AGPAT4: variants seen among roughly 807,000 people sequenced by gnomAD.
AGPAT4 encodes 1-acylglycerol-3-phosphate O-acyltransferase 4.
Under a neutral mutation model 48.0 loss-of-function variants are expected in AGPAT4, and 15 were observed. The ratio of observed to expected loss-of-function variants is 0.31; its 90% CI spans 0.21 to 0.48. The LOEUF (loss-of-function observed/expected upper bound fraction) is 0.48, where lower values mean the gene tolerates loss of function less well. Among genes scored for constraint, AGPAT4 ranks in the 20% least tolerant of loss-of-function variants. The pLI is 0.99. For synonymous variants in AGPAT4, 178 were observed against 198.7 expected (o/e 0.90, Z 0.88); for missense variants, 314 against 482.5 (o/e 0.65, Z 3.27).
chr6:161,260,782 G>A (rs1460037854), intron 1 of AGPAT4, among the ~76,000 whole-genome samples: 1 of 152,096 alleles, frequency 6.6e-6, no homozygotes, highest in African/African-American at 2.4e-5. Context: ...AGCTACTTGG[G>A]GAGGGCTGAG....
rs1269564709 is a variant in AGPAT4, at chr6:161,138,600, C to A, written c.1042+822G>T. Among the ~76,000 whole-genome samples, 1 of 152,104 alleles carries A rather than the reference C, an allele frequency of 6.6e-6. No homozygotes were observed. Among genetic ancestry groups the A allele is most frequent in the Non-Finnish European group, 1.5e-5 (1 of 68,036 alleles). On this transcript the variant is annotated intron_variant, in intron 8 of 8. Coordinates refer to ENST00000320285, the MANE Select transcript of AGPAT4 (RefSeq NM_020133.3). This position sits in a 1 kb window ranked among gnomAD's most constrained non-coding sequence, Gnocchi z 4.8. Reference sequence around the variant, plus strand: ...TTCTGCGCTTGTCTATTGCTTGGGCCTTTTATAGTGAGCATACTGCATCTT... The same window carrying A: ...TTCTGCGCTTGTCTATTGCTTGGGCATTTTATAGTGAGCATACTGCATCTT...
intron 3 of AGPAT4, among the ~76,000 whole-genome samples, chr6:161,157,604 T>C (rs1302439158): frequency 6.6e-6 from 1 of 152,178 alleles, no homozygotes; most frequent in African/African-American, 2.4e-5. Flanking sequence ...TTTTTGATGA[T>C]CAAAGGGAAA....
chr6:161,248,726 G>A (rs577696477), intron 1 of AGPAT4, among the ~76,000 whole-genome samples: 37 of 152,132 alleles, frequency 2.4e-4, no homozygotes, highest in Non-Finnish European at 4.4e-4. Context: ...AATCAATATC[G>A]TTAAAGTGTG....
At position 161,242,955 on chromosome 6, in the gene AGPAT4, C is replaced by A. The variant is rs1270478363; in HGVS notation, c.-89-10653G>T. ...TGGTGGCACGTGCCTCCCAGCTACT[C>A]GGGAGACTGAAGCAGGAGAATTGAT... On this transcript the variant is annotated intron_variant, in intron 1 of 8. Transcript: ENST00000320285. The surrounding 1 kb of genome is among the most constrained non-coding windows in gnomAD (Gnocchi z 5.0). Among the ~76,000 whole-genome samples, 1 of 151,904 alleles carries A rather than the reference C, an allele frequency of 6.6e-6. No individual in the cohort carries two copies. Among genetic ancestry groups the A allele is most frequent in the Non-Finnish European group, 1.5e-5 (1 of 67,994 alleles).
Position 161,131,034 on chromosome 6 carries a change from G to A in AGPAT4, c.*5506C>T. 2.5e-6 allele frequency: 1 copy of A among 392,844 alleles called. No homozygotes were observed. Among genetic ancestry groups the A allele is most frequent in the African/African-American group, 2.0e-5 (1 of 49,634 alleles). 24.3% of individuals were successfully genotyped at this position (392,844 alleles called of 1,614,324 possible). On this transcript the variant is annotated 3_prime_UTR_variant, in exon 9 of 9. Transcript: ENST00000320285. ...GGAAATGCAAAGGAATTATTATGCA[G>A]CAATCTTAACTTTGTGTACATACCA... is the stretch of plus-strand genomic sequence containing the variant.
chr6:161,255,986 G>T lies in AGPAT4; in HGVS notation c.-90+17952C>A, dbSNP rs561692426. 5.9e-5 allele frequency among the ~76,000 whole-genome samples: 9 copies of T among 152,254 alleles called. No homozygotes were observed. The South Asian group carries it at 1.7e-3, about 28-fold the overall frequency. ...GTCCACACAGCCATGTCAACACATA[G>T]AGGGACATGCTGTTTAGATGAAGGA... is the stretch of plus-strand genomic sequence containing the variant. On this transcript the variant is annotated intron_variant, in intron 1 of 8. Transcript: ENST00000320285. The surrounding 1 kb of genome is among the most constrained non-coding windows in gnomAD (Gnocchi z 4.7).
At chr6:161,172,168 T>C (rs1282981058) in intron 2 of AGPAT4, among the ~76,000 whole-genome samples, 1 of 152,142 alleles carries the variant, frequency 6.6e-6, no homozygotes, top group Non-Finnish European at 1.5e-5. Flanking sequence ...GGGAAGGACT[T>C]ATGACCTCCT....
chr6:161,139,695 A>G lies in AGPAT4; in HGVS notation c.844-75T>C. 7.3e-7 allele frequency: 1 copy of G among 1,366,834 alleles called. No homozygotes were observed. 84.7% of individuals were successfully genotyped at this position (1,366,834 alleles called of 1,614,324 possible). ...AGGTCCCTCCCGAGGCCCTGCTTCCAAGGGAATCGCAGAGATACACAGGTG... is the reference window on the plus strand; with the variant it reads ...AGGTCCCTCCCGAGGCCCTGCTTCCGAGGGAATCGCAGAGATACACAGGTG... On this transcript the variant is annotated intron_variant, in intron 7 of 8. Coordinates refer to ENST00000320285, the MANE Select transcript of AGPAT4 (RefSeq NM_020133.3). This position sits in a 1 kb window ranked among gnomAD's most constrained non-coding sequence, Gnocchi z 9.1.
In AGPAT4 at chr6:161,142,537, C is replaced by T. The variant is rs1447319265; in HGVS notation, c.844-2917G>A. Among the ~76,000 whole-genome samples the T allele has an allele frequency of 2.0e-5, 3 of 152,146 alleles. No homozygotes were observed. Among genetic ancestry groups the T allele is most frequent in the Non-Finnish European group, 4.4e-5 (3 of 68,042 alleles). On this transcript the variant is annotated intron_variant, in intron 7 of 8. Transcript: ENST00000320285. The surrounding 1 kb of genome is among the most constrained non-coding windows in gnomAD (Gnocchi z 6.4). ...ATCCTATTGAGAGGCGGCAGATCCC[C>T]GGACGAACGCCCCCTGCAGCCCGCA...
At position 161,144,351 on chromosome 6, in the gene AGPAT4, G is replaced by A. The variant is rs7757565; in HGVS notation, c.843+2173C>T. ...AACTGGGTAAATCACTTCATCTTTC[G>A]GACCTGAATTTCCTCATCAGTAGTG... On this transcript the variant is annotated intron_variant, in intron 7 of 8. Coordinates refer to ENST00000320285, the MANE Select transcript of AGPAT4 (RefSeq NM_020133.3). The surrounding 1 kb of genome is among the most constrained non-coding windows in gnomAD (Gnocchi z 6.6). 3,063 of 383,852 alleles carry A rather than the reference G, an allele frequency of 8.0e-3. 93 individuals carry two copies. The highest frequency in any genetic ancestry group is 0.06 in the African/African-American group (2,862 of 47,518). 23.8% of individuals were successfully genotyped at this position (383,852 alleles called of 1,614,324 possible).
chr6:161,246,670 C>T lies in AGPAT4; in HGVS notation c.-89-14368G>A, dbSNP rs1016923848. ...GTGATCCACCGCACCCAGCCTAGCACAGGGGATTCTTACAGAGCCCCTTGC... is the reference window on the plus strand; with the variant it reads ...GTGATCCACCGCACCCAGCCTAGCATAGGGGATTCTTACAGAGCCCCTTGC... On this transcript the variant is annotated intron_variant, in intron 1 of 8. Coordinates refer to ENST00000320285, the MANE Select transcript of AGPAT4 (RefSeq NM_020133.3). The surrounding 1 kb of genome is among the most constrained non-coding windows in gnomAD (Gnocchi z 5.5). 3.3e-5 allele frequency among the ~76,000 whole-genome samples: 5 copies of T among 152,116 alleles called. No homozygotes were observed. The highest frequency in any genetic ancestry group is 5.9e-5 in the Non-Finnish European group (4 of 68,018).
At chr6:161,269,903 GGAA>G (rs1036059511) in intron 1 of AGPAT4, among the ~76,000 whole-genome samples, 12 of 152,160 alleles carry the variant, frequency 7.9e-5, no homozygotes, top group African/African-American at 2.7e-4. Context: ...TAGGATCAAA[GGAA>G]GAAGTAGAGC....
At position 161,164,187 on chromosome 6, in the gene AGPAT4, C is replaced by T. The variant is rs1436818196; in HGVS notation, c.348+2061G>A. Among the ~76,000 whole-genome samples the T allele has an allele frequency of 2.0e-5, 3 of 152,174 alleles. No individual in the cohort carries two copies. The highest frequency in any genetic ancestry group is 4.8e-5 in the African/African-American group (2 of 41,432). On this transcript the variant is annotated intron_variant, in intron 3 of 8. Transcript: ENST00000320285. The surrounding 1 kb of genome is among the most constrained non-coding windows in gnomAD (Gnocchi z 7.4). The stretch of plus-strand genomic sequence containing the variant: ...CTAAACGGTGCTGAGATTAAATTCC[C>T]GCTCCGTGAATGTCTCTTCCCGTCT...
chr6:161,237,789 G>GA (rs775345098), intron 1 of AGPAT4, among the ~76,000 whole-genome samples: 2 of 151,972 alleles, frequency 1.3e-5, no homozygotes, highest in East Asian at 1.9e-4. Flanking sequence ...ACCCCATTCT[G>GA]AGCACAGAAC....
chr6:161,194,084 T>G (rs1314265288), intron 2 of AGPAT4, among the ~76,000 whole-genome samples: 1 of 152,204 alleles, frequency 6.6e-6, no homozygotes, highest in African/African-American at 2.4e-5. Context: ...GAAATGTGAC[T>G]AGTCCAAACT....
rs1782814634 is a variant in AGPAT4, at chr6:161,251,892, TG to T, written c.-89-19591del. Reference sequence around the variant, plus strand: ...ACATTACCTGTTACAGATTAGGGAATGGAAGGCCTATGATGGTAGGGAATTG... The same window carrying T: ...ACATTACCTGTTACAGATTAGGGAATGAAGGCCTATGATGGTAGGGAATTG... On this transcript the variant is annotated intron_variant, in intron 1 of 8. Transcript: ENST00000320285. This position sits in a 1 kb window ranked among gnomAD's most constrained non-coding sequence, Gnocchi z 4.6. Among the ~76,000 whole-genome samples the T allele has an allele frequency of 6.6e-6, 1 of 152,262 alleles. No individual in the cohort carries two copies. The highest frequency in any genetic ancestry group is 2.1e-4 in the South Asian group (1 of 4,838).
chr6:161,273,800 C>A (rs955026511), intron 1 of AGPAT4, 138 bp downstream of exon 1: 1 of 149,432 alleles, frequency 6.7e-6, no homozygotes, highest in African/African-American at 2.5e-5. Context: ...GCACTCCCCC[C>A]CCGCCCCCGG....
In AGPAT4 at chr6:161,154,389, G is replaced by A; in HGVS notation, c.349-79C>T. The A allele has an allele frequency of 1.3e-6, 2 of 1,551,548 alleles. No individual in the cohort carries two copies. Among genetic ancestry groups the A allele is most frequent in the Admixed American group, 3.6e-5 (2 of 55,188 alleles). On this transcript the variant is annotated intron_variant, in intron 3 of 8. Coordinates refer to ENST00000320285, the MANE Select transcript of AGPAT4 (RefSeq NM_020133.3). This position sits in a 1 kb window ranked among gnomAD's most constrained non-coding sequence, Gnocchi z 7.8. ...GCCGGGGCTGTTGGAGACTGAAGTA[G>A]AAAAAGAGGAGGGGACGTTCACACC...
At chr6:161,185,767 C>T (rs1780750945) in intron 2 of AGPAT4, among the ~76,000 whole-genome samples, 1 of 152,196 alleles carries the variant, frequency 6.6e-6, no homozygotes. Flanking sequence ...GGCTTGGGCA[C>T]CGCTGCCTCT....
Sources: gnomAD v4.1 joint callset for allele counts (sites outside exome capture counted in the v4.1 genomes callset) on GRCh38, gnomAD v4.1.1 for gene constraint, Gnocchi (gnomAD v3.1) non-coding constraint, MANE v1.5 for transcripts, NCBI Gene and HGNC (gene_info 2026-07-23, HGNC 2026-07-21) for gene names.